The following KCNH1 variants were observed in gnomAD, a reference collection of about 807,000 sequenced individuals.
KCNH1 encodes the protein voltage-gated delayed rectifier potassium channel KCNH1.
Under a neutral mutation model 69.2 loss-of-function variants are expected in KCNH1, and 27 were observed. The ratio of observed to expected loss-of-function variants is 0.39; its 90% CI spans 0.29 to 0.54. KCNH1 has a LOEUF of 0.54. KCNH1 is among the 20% of genes least tolerant of loss of function. The probability of loss-of-function intolerance (pLI) is 0.68; values close to 1 mark genes in which losing one functional copy is unlikely to be tolerated. For missense variants in KCNH1, 798 were observed against 1,261.6 expected, an observed-to-expected ratio of 0.63 and a Z score of 5.57; for synonymous variants, 456 against 487.7, an observed-to-expected ratio of 0.93 and a Z score of 0.86.
intron 10 of KCNH1, among the ~76,000 whole-genome samples, chr1:210,718,931 T>C (rs1044895759): frequency 1.3e-5 from 2 of 151,864 alleles, no homozygotes; most frequent in African/African-American, 4.8e-5. Context: ...GGATCAATGA[T>C]ATCTCAATGG....
intron 7 of KCNH1, among the ~76,000 whole-genome samples, chr1:210,884,770 C>T (rs972154575): frequency 6.6e-6 from 1 of 152,224 alleles, no homozygotes. Flanking sequence ...AATTGCCCTG[C>T]TCTCTGCCAG....
At chr1:210,883,263 A>G (rs574108336) in intron 7 of KCNH1, among the ~76,000 whole-genome samples, 2 of 152,346 alleles carry the variant, frequency 1.3e-5, no homozygotes, top group African/African-American at 4.8e-5. Context: ...GGATGCCAAC[A>G]GAGTTTTGCT....
intron 9 of KCNH1, among the ~76,000 whole-genome samples, chr1:210,791,617 C>T (rs1289770059): frequency 6.6e-6 from 1 of 152,200 alleles, no homozygotes; most frequent in Non-Finnish European, 1.5e-5. Flanking sequence ...ACTTCTACCT[C>T]CTCCATGAAC....
In KCNH1 at chr1:210,683,304, T is replaced by G. The variant is rs769883770; in HGVS notation, c.2947A>C (p.Arg983=). The change falls in exon 11 of 11, where the codon AGA becomes CGA. Residue 983 remains arginine (R), a synonymous_variant. Transcript: ENST00000271751. The surrounding 1 kb of genome is among the most constrained non-coding windows in gnomAD (Gnocchi z 5.7). ...TCTCAGCTGGCTCCAAAAATGTCTC[T>G]CTCTGATTCTGGGGACTGTGGCCTC... ...ISRPQSPESE[R]DIFGAS The G allele has an allele frequency of 6.2e-7, 1 of 1,613,638 alleles. No individual in the cohort carries two copies. Among genetic ancestry groups the G allele is most frequent in the South Asian group, 1.1e-5 (1 of 91,016 alleles).
chr1:210,733,947 T>TCACACACACACACA (rs5780602), intron 10 of KCNH1, among the ~76,000 whole-genome samples: 1 of 142,086 alleles, frequency 7.0e-6, no homozygotes, highest in East Asian at 2.0e-4. Flanking sequence ...TGTCTGTCTG[T>TCACACACACACACA]CTCACACACA....
intron 7 of KCNH1, among the ~76,000 whole-genome samples, chr1:210,890,098 C>A (rs1686712112): frequency 6.6e-6 from 1 of 152,056 alleles, no homozygotes; most frequent in Admixed American, 6.6e-5. Context: ...CAATCCTCAG[C>A]AAAAAGAACA....
At chr1:210,740,930 A>C (rs1444086986) in intron 10 of KCNH1, among the ~76,000 whole-genome samples, 1 of 152,132 alleles carries the variant, frequency 6.6e-6, no homozygotes, top group Non-Finnish European at 1.5e-5. Flanking sequence ...AATATGGCAA[A>C]GGTGACTTGT....
At chr1:211,076,114 C>T (rs1411244359) in intron 5 of KCNH1, among the ~76,000 whole-genome samples, 2 of 152,230 alleles carry the variant, frequency 1.3e-5, no homozygotes, top group African/African-American at 4.8e-5. Flanking sequence ...CACAGTTCAG[C>T]AAGGCCTACT....
intron 7 of KCNH1, among the ~76,000 whole-genome samples, chr1:210,821,615 G>C (rs1283617462): frequency 6.6e-6 from 1 of 152,014 alleles, no homozygotes. Flanking sequence ...TGAAACTTAG[G>C]GGGAAACTAG....
At chr1:210,795,765 A>T (rs777159876) in intron 9 of KCNH1, among the ~76,000 whole-genome samples, 1 of 152,184 alleles carries the variant, frequency 6.6e-6, no homozygotes, top group East Asian at 1.9e-4. Flanking sequence ...TTTGTAAAAG[A>T]TAAAACACAT....
intron 10 of KCNH1, among the ~76,000 whole-genome samples, chr1:210,768,344 T>A (rs369262815): frequency 6.6e-6 from 1 of 152,164 alleles, no homozygotes; most frequent in African/African-American, 2.4e-5. Flanking sequence ...CTGAAGTCAC[T>A]AAGTAGGGCC....
At chr1:211,026,219 C>G (rs1689680705) in intron 5 of KCNH1, among the ~76,000 whole-genome samples, 1 of 151,990 alleles carries the variant, frequency 6.6e-6, no homozygotes. Context: ...GTCATTATAT[C>G]TAAAACAAAT....
intron 6 of KCNH1, among the ~76,000 whole-genome samples, chr1:210,992,126 A>C (rs893787327): frequency 6.6e-6 from 1 of 152,224 alleles, no homozygotes; most frequent in African/African-American, 2.4e-5. Context: ...AGTAATCTAC[A>C]TACATATCTA....
chr1:210,719,514 G>A (rs1408191361), intron 10 of KCNH1, among the ~76,000 whole-genome samples: 4 of 152,092 alleles, frequency 2.6e-5, no homozygotes, highest in African/African-American at 9.7e-5. Context: ...ATGGACACAG[G>A]GAGGGTAGCA....
At chr1:210,838,074 C>T (rs1201692287) in intron 7 of KCNH1, among the ~76,000 whole-genome samples, 4 of 152,036 alleles carry the variant, frequency 2.6e-5, no homozygotes, top group Admixed American at 6.6e-5. Context: ...GAAATATCAC[C>T]GTACCTAACT....
chr1:210,878,923 C>T (rs1288004782), intron 7 of KCNH1, among the ~76,000 whole-genome samples: 2 of 151,806 alleles, frequency 1.3e-5, no homozygotes, highest in African/African-American at 4.8e-5. Flanking sequence ...ACATAAATTA[C>T]TAATATCAGA....
At position 210,997,300 on chromosome 1, in the gene KCNH1, C is replaced by T. The variant is rs145785988; in HGVS notation, c.1032+21483G>A. Among the ~76,000 whole-genome samples the T allele has an allele frequency of 1.4e-3, 211 of 152,160 alleles. 4 individuals carry two copies. In the East Asian group the frequency reaches 0.022, roughly 16 times the overall value. ...ACGAATGGAAAACTAGAATAACCAA[C>T]GCAGAGAAGTCCTTAAAGGAGCTGA... On this transcript the variant is annotated intron_variant, in intron 6 of 10. Transcript: ENST00000271751.
intron 5 of KCNH1, among the ~76,000 whole-genome samples, chr1:211,025,751 A>G (rs1689671589): frequency 6.6e-6 from 1 of 152,138 alleles, no homozygotes; most frequent in East Asian, 1.9e-4. Context: ...GGCTCAGGGC[A>G]TAAAACCTCT....
At chr1:210,778,611 C>T (rs1477126195) in intron 9 of KCNH1, among the ~76,000 whole-genome samples, 2 of 151,856 alleles carry the variant, frequency 1.3e-5, no homozygotes, top group Non-Finnish European at 2.9e-5. Flanking sequence ...TCTGAGCTGG[C>T]ATCCCCCACT....
Sources: gnomAD v4.1 joint callset for allele counts (sites outside exome capture counted in the v4.1 genomes callset) on GRCh38, gnomAD v4.1.1 for gene constraint, Gnocchi (gnomAD v3.1) non-coding constraint, MANE v1.5 for transcripts, NCBI Gene and HGNC (gene_info 2026-07-23, HGNC 2026-07-21) for gene names.